HECW2: variants seen among roughly 807,000 people sequenced by gnomAD.
HECW2 encodes the protein HECT, C2 and WW domain containing E3 ubiquitin protein ligase 2.
HECW2 carries 61 observed loss-of-function variants against 175.2 expected under a neutral mutation model. That is an observed-to-expected ratio of 0.35 (90% CI 0.28 to 0.43). HECW2 has a LOEUF of 0.43. Ranked by LOEUF, HECW2 falls within the 20% of genes least tolerant of loss-of-function variation. HECW2 has a pLI of 1.00. For missense variants in HECW2, 1,524 were observed against 2,000.5 expected (o/e 0.76, Z 4.54); for synonymous variants, 671 against 731.0 (o/e 0.92, Z 1.32).
intron 18 of HECW2, among the ~76,000 whole-genome samples, chr2:196,254,677 C>T (rs1376606630): frequency 6.6e-6 from 1 of 152,164 alleles, no homozygotes; most frequent in Non-Finnish European, 1.5e-5. Flanking sequence ...TTCAGCTGTA[C>T]AAGACAGTGT....
intron 2 of HECW2, among the ~76,000 whole-genome samples, chr2:196,347,914 C>G (rs930019842): frequency 6.6e-6 from 1 of 152,224 alleles, no homozygotes; most frequent in Non-Finnish European, 1.5e-5. Context: ...TGGCAGCAAC[C>G]CTTAATTGCA....
In HECW2 at chr2:196,252,298, CTT is replaced by C. The variant is rs566500844; in HGVS notation, c.3529+1620_3529+1621del. Among the ~76,000 whole-genome samples the C allele has an allele frequency of 2.2e-4, 34 of 152,050 alleles. No individual in the cohort carries two copies. The South Asian group carries it at 2.9e-3, about 13-fold the overall frequency. The stretch of plus-strand genomic sequence containing the variant: ...CCCTTCCCTTGTATCTATTAACTTA[CTT>C]GTATCTATTTCCTACACTACTTTCA... On this transcript the variant is annotated intron_variant, in intron 19 of 28. Coordinates refer to ENST00000644978, the MANE Select transcript of HECW2 (RefSeq NM_001348768.2).
intron 1 of HECW2, among the ~76,000 whole-genome samples, chr2:196,550,437 A>T (rs981917185): frequency 2.0e-5 from 3 of 151,818 alleles, no homozygotes; most frequent in African/African-American, 4.8e-5. Context: ...AAAAAAAAAA[A>T]TTAAGAAACA....
intron 1 of HECW2, among the ~76,000 whole-genome samples, chr2:196,576,153 TA>T (rs1267333563): frequency 6.6e-6 from 1 of 150,708 alleles, no homozygotes; most frequent in Non-Finnish European, 1.5e-5. Context: ...TTGTCTACAG[TA>T]TTCAGTACAA....
intron 23 of HECW2, among the ~76,000 whole-genome samples, chr2:196,222,926 T>C (rs963004898): frequency 6.6e-6 from 1 of 152,176 alleles, no homozygotes; most frequent in Non-Finnish European, 1.5e-5. Context: ...TCAATCTGTA[T>C]TTTTCCCCCA....
chr2:196,341,058 A>G lies in HECW2; in HGVS notation c.400+2599T>C, dbSNP rs576911215. 3.3e-5 allele frequency among the ~76,000 whole-genome samples: 5 copies of G among 152,350 alleles called. No homozygotes were observed. In the East Asian group the frequency reaches 9.6e-4, roughly 29 times the overall value. On this transcript the variant is annotated intron_variant, in intron 3 of 28. Coordinates refer to ENST00000644978, the MANE Select transcript of HECW2 (RefSeq NM_001348768.2). ...AGACAGATCTATTTAACTATAGCCT[A>G]ATCAGCCAGGACATTATGAATCTCT...
At chr2:196,552,546 G>A (rs1442678621) in intron 1 of HECW2, among the ~76,000 whole-genome samples, 3 of 152,190 alleles carry the variant, frequency 2.0e-5, no homozygotes, top group African/African-American at 4.8e-5. Context: ...AAGATAAAGT[G>A]CAGAGTCAGG....
intron 1 of HECW2, among the ~76,000 whole-genome samples, chr2:196,580,708 C>T (rs1033082945): frequency 6.6e-5 from 10 of 150,450 alleles, no homozygotes; most frequent in Non-Finnish European, 1.2e-4. Flanking sequence ...TCTCATACAT[C>T]GATTAGAATA....
At chr2:196,512,076 AAATG>A (rs1257784107) in intron 1 of HECW2, among the ~76,000 whole-genome samples, 1 of 152,230 alleles carries the variant, frequency 6.6e-6, no homozygotes, top group African/African-American at 2.4e-5. Flanking sequence ...CAGGTGAAGA[AAATG>A]AATGAAGACA....
At chr2:196,293,017 G>A (rs1307718585) in intron 13 of HECW2, among the ~76,000 whole-genome samples, 2 of 152,180 alleles carry the variant, frequency 1.3e-5, no homozygotes, top group East Asian at 3.9e-4. Flanking sequence ...TGAAGTTCTG[G>A]GGTACATGTG....
Position 196,346,088 on chromosome 2 carries a change from T to C in HECW2, c.293-2324A>G, listed in dbSNP as rs187189037. Among the ~76,000 whole-genome samples, 267 of 152,316 alleles carry C rather than the reference T, an allele frequency of 1.8e-3. 3 individuals are homozygous for C. Among genetic ancestry groups the C allele is most frequent in the South Asian group, 0.011 (51 of 4,832 alleles). On this transcript the variant is annotated intron_variant, in intron 2 of 28. Transcript: ENST00000644978. ...CTTCCTCTTGAGGCCTCAGAAAAGA[T>C]GAGGCAGTATCAAATCTGGTTTTAA...
chr2:196,567,529 C>T (rs973044808), intron 1 of HECW2, among the ~76,000 whole-genome samples: 2 of 152,142 alleles, frequency 1.3e-5, no homozygotes, highest in Non-Finnish European at 2.9e-5. Flanking sequence ...CAGTAAAATG[C>T]CTGCCAAACC....
intron 2 of HECW2, among the ~76,000 whole-genome samples, chr2:196,395,071 C>T (rs1172657899): frequency 6.6e-6 from 1 of 152,024 alleles, no homozygotes; most frequent in Non-Finnish European, 1.5e-5. Context: ...GAGAGGTCTG[C>T]CCTCATGACC....
chr2:196,423,804 A>G (rs1405180718), intron 2 of HECW2, among the ~76,000 whole-genome samples: 1 of 151,940 alleles, frequency 6.6e-6, no homozygotes, highest in Non-Finnish European at 1.5e-5. Context: ...TGCAATAAAC[A>G]TGGGAATCCA....
At chr2:196,360,902 A>C (rs561670843) in intron 2 of HECW2, among the ~76,000 whole-genome samples, 4 of 152,324 alleles carry the variant, frequency 2.6e-5, no homozygotes, top group African/African-American at 7.2e-5. Context: ...CAATGAGGGC[A>C]CTACAGGCAT....
At chr2:196,496,502 A>G (rs10497787) in intron 1 of HECW2, among the ~76,000 whole-genome samples, 22,296 of 152,092 alleles carry the variant, frequency 0.15, 1,675 homozygotes, top group Middle Eastern at 0.24. Context: ...CTAATCTCAA[A>G]CATTTTTTAT....
rs1686803554 is a variant in HECW2 at position 196,199,939 on chromosome 2, A to G, written c.*1338T>C. On this transcript the variant is annotated 3_prime_UTR_variant, in exon 29 of 29. Transcript: ENST00000644978. The stretch of plus-strand genomic sequence containing the variant: ...GTTTCAATTTGTGGTGTCTTCACTG[A>G]TGAGGGAAAATGGAATTCTTACTAC... The G allele has an allele frequency of 1.3e-5, 2 of 152,682 alleles. No homozygotes were observed. The highest frequency in any genetic ancestry group is 4.1e-4 in the South Asian group (2 of 4,830). 9.5% of individuals were successfully genotyped at this position (152,682 alleles called of 1,614,324 possible).
chr2:196,212,617 T>G (rs1430880154), intron 28 of HECW2, among the ~76,000 whole-genome samples: 1 of 152,208 alleles, frequency 6.6e-6, no homozygotes, highest in Non-Finnish European at 1.5e-5. Flanking sequence ...TTAGGTTGAT[T>G]CTGTGTCTTT....
At chr2:196,535,980 A>C (rs2125458575) in intron 1 of HECW2, among the ~76,000 whole-genome samples, 1 of 152,212 alleles carries the variant, frequency 6.6e-6, no homozygotes, top group East Asian at 1.9e-4. Context: ...ATTGCTTTCC[A>C]CTCTAACATC....
Sources: allele counts gnomAD v4.1 joint callset (sites outside exome capture counted in the v4.1 genomes callset), GRCh38; gene constraint gnomAD v4.1.1; transcripts MANE v1.5; gene names NCBI Gene and HGNC (gene_info 2026-07-23, HGNC 2026-07-21).